Variants in ASAP2 observed in about 807,000 individuals in gnomAD.
The protein encoded by ASAP2 is ArfGAP with SH3 domain, ankyrin repeat and PH domain 2, also known as arf-GAP with SH3 domain, ANK repeat and PH domain-containing protein 2.
A neutral mutation model predicts 131.4 loss-of-function variants in ASAP2; 45 were observed. The ratio of observed to expected loss-of-function variants is 0.34; its 90% CI spans 0.27 to 0.44. ASAP2 has a LOEUF of 0.44. Among genes scored for constraint, ASAP2 ranks in the 20% least tolerant of loss-of-function variants. The pLI is 1.00. For missense variants in ASAP2, 1,011 were observed against 1,297.0 expected (o/e 0.78, Z 3.39); for synonymous variants, 510 against 503.0 (o/e 1.01, Z -0.19).
At chr2:9,395,810 G>C (rs933336343) in intron 24 of ASAP2, among the ~76,000 whole-genome samples, 2 of 151,314 alleles carry the variant, frequency 1.3e-5, no homozygotes, top group Non-Finnish European at 2.9e-5. Flanking sequence ...GGTTTCACCG[G>C]GTTAGCCAGG....
intron 3 of ASAP2, among the ~76,000 whole-genome samples, chr2:9,316,001 T>C (rs1371804165): frequency 3.9e-5 from 6 of 152,190 alleles, no homozygotes; most frequent in Admixed American, 1.3e-4. Context: ...TTACCAGTGT[T>C]TTCCAAGTAC....
chr2:9,384,839 G>C (rs1572606120), intron 20 of ASAP2, among the ~76,000 whole-genome samples: 1 of 152,224 alleles, frequency 6.6e-6, no homozygotes, highest in African/African-American at 2.4e-5. Flanking sequence ...CAGGGTACAG[G>C]GTGAGACCCT....
Position 9,393,650 on chromosome 2 carries a change from A to G in ASAP2, c.2684+3A>G. On this transcript the variant is annotated splice_donor_region_variant and intron_variant, in intron 24 of 27. Transcript: ENST00000281419. ...CCGCAGAAGAAGCCTGCGCCGGGGT[A>G]AGCCACCCCCAGCCAGCTCGGCCAT... is the stretch of plus-strand genomic sequence containing the variant. 1.3e-6 allele frequency: 2 copies of G among 1,564,384 alleles called. No individual in the cohort carries two copies. The highest frequency in any genetic ancestry group is 1.7e-6 in the Non-Finnish European group (2 of 1,159,492).
chr2:9,208,226 G>C (rs930756537), intron 1 of ASAP2, among the ~76,000 whole-genome samples: 5 of 151,928 alleles, frequency 3.3e-5, no homozygotes, highest in African/African-American at 1.2e-4. Context: ...CAAGTCACAC[G>C]TGTGGCAATA....
chr2:9,283,311 C>A (rs1667252611), intron 2 of ASAP2, among the ~76,000 whole-genome samples: 2 of 152,220 alleles, frequency 1.3e-5, no homozygotes, highest in South Asian at 4.1e-4. Context: ...CTTCTGACCT[C>A]AAGTGATCCA....
chr2:9,402,339 GTGTC>G (rs1330859389), intron 27 of ASAP2, among the ~76,000 whole-genome samples: 18 of 152,324 alleles, frequency 1.2e-4, no homozygotes, highest in African/African-American at 3.8e-4. Flanking sequence ...TGGATTGAAA[GTGTC>G]TGTGGCCTGG....
chr2:9,398,197 T>C (rs188443017), intron 24 of ASAP2, among the ~76,000 whole-genome samples: 1 of 152,142 alleles, frequency 6.6e-6, no homozygotes, highest in East Asian at 1.9e-4. Flanking sequence ...AGTTGAATAC[T>C]TGAAACAGAG....
intron 14 of ASAP2, among the ~76,000 whole-genome samples, chr2:9,356,580 G>T (rs765941978): frequency 1.3e-5 from 2 of 152,228 alleles, no homozygotes; most frequent in Non-Finnish European, 2.9e-5. Flanking sequence ...AAGAGGGTTT[G>T]ACAGAGCTGC....
chr2:9,341,215 T>C (rs1475232513), intron 9 of ASAP2, among the ~76,000 whole-genome samples: 2 of 152,208 alleles, frequency 1.3e-5, no homozygotes, highest in African/African-American at 4.8e-5. Context: ...GTTTTCTCTG[T>C]CAGGCCTTCA....
rs1676514865 is a variant in ASAP2, at chr2:9,400,215, C to CCCCTCCCCTCCTGCT, written c.2734+157_2734+158insTCCCTCCCCTCCTGC. 6.0e-5 allele frequency: 43 copies of CCCCTCCCCTCCTGCT among 712,114 alleles called. No individual in the cohort carries two copies. The South Asian group carries it at 7.9e-4, about 13-fold the overall frequency. The allele number at this position is 712,114 out of a possible 1,614,324, so 44.1% of individuals were successfully genotyped here. On this transcript the variant is annotated intron_variant, in intron 25 of 27. Transcript: ENST00000281419. ...GCCCTCCTGCCCCCTCCCCTCCTGC[C>CCCCTCCCCTCCTGCT]CCCTCCCCTCCTGCCCCCTCCCCTC...
At chr2:9,259,263 C>G (rs72773381) in intron 1 of ASAP2, among the ~76,000 whole-genome samples, 1 of 152,232 alleles carries the variant, frequency 6.6e-6, no homozygotes, top group African/African-American at 2.4e-5. Flanking sequence ...ACATTCATCC[C>G]TCAACGCTGA....
At chr2:9,242,669 A>G (rs1355856811) in intron 1 of ASAP2, among the ~76,000 whole-genome samples, 1 of 152,214 alleles carries the variant, frequency 6.6e-6, no homozygotes, top group African/African-American at 2.4e-5. Context: ...CTTCCTCAGG[A>G]TGGATTCAAG....
At chr2:9,263,411 TGTGCAG>T (rs1443780514) in intron 1 of ASAP2, among the ~76,000 whole-genome samples, 1 of 152,230 alleles carries the variant, frequency 6.6e-6, no homozygotes, top group African/African-American at 2.4e-5. Flanking sequence ...GTGCTGCTGC[TGTGCAG>T]TGGTGATCTT....
At chr2:9,269,888 C>A (rs151130463) in intron 1 of ASAP2, among the ~76,000 whole-genome samples, 48 of 152,310 alleles carry the variant, frequency 3.2e-4, no homozygotes, top group African/African-American at 1.1e-3. Flanking sequence ...TGTGCACCGT[C>A]CCCACTGTCC....
At chr2:9,250,535 A>C (rs963756550) in intron 1 of ASAP2, among the ~76,000 whole-genome samples, 2 of 152,152 alleles carry the variant, frequency 1.3e-5, no homozygotes, top group Non-Finnish European at 2.9e-5. Context: ...CCCATTCCAC[A>C]GAGGGTACAA....
intron 2 of ASAP2, among the ~76,000 whole-genome samples, chr2:9,289,757 G>A (rs1667689053): frequency 6.6e-6 from 1 of 152,100 alleles, no homozygotes; most frequent in Admixed American, 6.6e-5. Flanking sequence ...ATAGACAACA[G>A]GTTTTGTATT....
chr2:9,209,367 A>G (rs1034055675), intron 1 of ASAP2, among the ~76,000 whole-genome samples: 16 of 152,210 alleles, frequency 1.1e-4, no homozygotes, highest in African/African-American at 2.9e-4. Context: ...GTTCGTGTCT[A>G]TTACCAAAAC....
intron 17 of ASAP2, among the ~76,000 whole-genome samples, chr2:9,376,333 C>T (rs1182846235): frequency 6.6e-6 from 1 of 152,274 alleles, no homozygotes; most frequent in South Asian, 2.1e-4. Flanking sequence ...CTCTCACCCA[C>T]CCACCTGCTG....
intron 2 of ASAP2, among the ~76,000 whole-genome samples, chr2:9,283,190 G>C (rs1228586386): frequency 1.3e-5 from 2 of 152,042 alleles, no homozygotes; most frequent in Non-Finnish European, 2.9e-5. Context: ...TGATTTTCCT[G>C]CCTCAGCCTC....
Sources: gnomAD v4.1 joint callset for allele counts (sites outside exome capture counted in the v4.1 genomes callset) on GRCh38, gnomAD v4.1.1 for gene constraint, MANE v1.5 for transcripts, NCBI Gene and HGNC (gene_info 2026-07-23, HGNC 2026-07-21) for gene names.